CFAP299: variants seen among roughly 807,000 people sequenced by gnomAD.
CFAP299 encodes cilia- and flagella-associated protein 299.
CFAP299 carries 21 observed loss-of-function variants against 27.0 expected under a neutral mutation model. The ratio of observed to expected loss-of-function variants is 0.78; its 90% CI spans 0.55 to 1.12. The LOEUF is 1.12. CFAP299 is among the 50% of genes most tolerant of loss of function. CFAP299 has a pLI of 0.00. For missense variants in CFAP299, 310 were observed against 276.6 expected, an observed-to-expected ratio of 1.12 and a Z score of -0.86; for synonymous variants, 104 against 98.1, an observed-to-expected ratio of 1.06 and a Z score of -0.36.
rs1020928661 is a variant in CFAP299, at chr4:80,928,663, GT to G, written c.477-16139del. Among the ~76,000 whole-genome samples, 10 of 151,724 alleles carry G rather than the reference GT, an allele frequency of 6.6e-5. No homozygotes were observed. In the East Asian group the frequency reaches 1.7e-3, roughly 26 times the overall value. ...GAATATATTAAGCCAAATAATGTTT[GT>G]TTTTTTTAAAGAACAGAATTTTAAT... is the stretch of plus-strand genomic sequence containing the variant. On this transcript the variant is annotated intron_variant, in intron 4 of 5. Transcript: ENST00000358105.
intron 2 of CFAP299, among the ~76,000 whole-genome samples, chr4:80,393,285 G>C (rs751014853): frequency 6.6e-6 from 1 of 152,096 alleles, no homozygotes; most frequent in East Asian, 1.9e-4. Flanking sequence ...GTAAAAAATT[G>C]TAAAAGTTTA....
At chr4:80,480,662 T>G (rs1271569927) in intron 2 of CFAP299, among the ~76,000 whole-genome samples, 1 of 152,014 alleles carries the variant, frequency 6.6e-6, no homozygotes, top group African/African-American at 2.4e-5. Flanking sequence ...AGTCTCCATT[T>G]TAATTTACTC....
At chr4:80,734,567 C>T (rs1292968101) in intron 3 of CFAP299, among the ~76,000 whole-genome samples, 1 of 152,018 alleles carries the variant, frequency 6.6e-6, no homozygotes, top group Non-Finnish European at 1.5e-5. Flanking sequence ...AGAGTTTCCC[C>T]AGTGTTTTAT....
At chr4:80,706,860 G>C (rs992759195) in intron 3 of CFAP299, among the ~76,000 whole-genome samples, 7 of 151,720 alleles carry the variant, frequency 4.6e-5, no homozygotes, top group Non-Finnish European at 1.0e-4. Flanking sequence ...GAATTAACTG[G>C]GTCATTTATT....
chr4:80,884,422 A>G (rs545124003), intron 4 of CFAP299, among the ~76,000 whole-genome samples: 1 of 152,308 alleles, frequency 6.6e-6, no homozygotes, highest in African/African-American at 2.4e-5. Context: ...AACAGGTAAA[A>G]GAATAAACCA....
At chr4:80,712,156 C>T (rs1722212947) in intron 3 of CFAP299, among the ~76,000 whole-genome samples, 1 of 152,126 alleles carries the variant, frequency 6.6e-6, no homozygotes, top group Non-Finnish European at 1.5e-5. Context: ...GCTAATGGTG[C>T]AAGTCACTAA....
intron 2 of CFAP299, among the ~76,000 whole-genome samples, chr4:80,366,756 T>C (rs1159837866): frequency 6.6e-6 from 1 of 152,220 alleles, no homozygotes; most frequent in African/African-American, 2.4e-5. Context: ...AAAACTCATA[T>C]ACAAATGTCA....
intron 2 of CFAP299, among the ~76,000 whole-genome samples, chr4:80,582,008 T>G (rs1424391002): frequency 6.6e-6 from 1 of 151,860 alleles, no homozygotes; most frequent in Admixed American, 6.6e-5. Flanking sequence ...TAACTTCTAT[T>G]AATATTACCT....
chr4:80,559,011 A>C (rs1423296646), intron 2 of CFAP299, among the ~76,000 whole-genome samples: 1 of 152,122 alleles, frequency 6.6e-6, no homozygotes, highest in Non-Finnish European at 1.5e-5. Context: ...GATTGATAAA[A>C]ATATTTATTT....
At chr4:80,936,754 T>C (rs954663252) in intron 4 of CFAP299, among the ~76,000 whole-genome samples, 1 of 151,872 alleles carries the variant, frequency 6.6e-6, no homozygotes. Flanking sequence ...TTTACTTATA[T>C]AACAAATCTG....
At chr4:80,386,219 C>G (rs1724973287) in intron 2 of CFAP299, 1 of 995,706 alleles carries the variant, frequency 1.0e-6, no homozygotes. Context: ...GCGAGCATGG[C>G]ACATGGGCCC....
chr4:80,872,916 T>C, intron 4 of CFAP299: 1 of 954,964 alleles, frequency 1.0e-6, no homozygotes, highest in Non-Finnish European at 1.2e-6. Flanking sequence ...TGTGTAGTTC[T>C]TCTTCTTTTT....
intron 2 of CFAP299, among the ~76,000 whole-genome samples, chr4:80,364,862 GT>G (rs1286881008): frequency 1.3e-5 from 2 of 152,170 alleles, no homozygotes; most frequent in Non-Finnish European, 2.9e-5. Context: ...GCAGTGTTTG[GT>G]TTTCTGCTCC....
At chr4:80,607,587 GA>G (rs997616016) in intron 3 of CFAP299, among the ~76,000 whole-genome samples, 2 of 151,568 alleles carry the variant, frequency 1.3e-5, no homozygotes, top group East Asian at 1.9e-4. Flanking sequence ...TTGTAAGACA[GA>G]AAAAAAAGAG....
chr4:80,831,019 C>T (rs534777454), intron 3 of CFAP299, among the ~76,000 whole-genome samples: 14 of 152,088 alleles, frequency 9.2e-5, no homozygotes, highest in Middle Eastern at 6.8e-3. Flanking sequence ...GTTGCACAAA[C>T]GGAAAATGGC....
chr4:80,751,922 C>T (rs1429120993), intron 3 of CFAP299, among the ~76,000 whole-genome samples: 5 of 152,128 alleles, frequency 3.3e-5, no homozygotes, highest in Non-Finnish European at 1.5e-5. Context: ...GGATGTATTT[C>T]CTGCCTTGCC....
intron 2 of CFAP299, chr4:80,420,305 C>G: frequency 2.3e-6 from 1 of 437,280 alleles, no homozygotes; most frequent in Non-Finnish European, 4.6e-6. Context: ...TCTACAGATG[C>G]AAATCTCTCC....
intron 3 of CFAP299, among the ~76,000 whole-genome samples, chr4:80,816,710 A>C (rs1729437374): frequency 6.6e-6 from 1 of 152,146 alleles, no homozygotes; most frequent in Admixed American, 6.6e-5. Context: ...CACATAAAGC[A>C]TGTAGTTCTC....
intron 2 of CFAP299, among the ~76,000 whole-genome samples, chr4:80,480,579 T>C (rs1730514244): frequency 1.3e-5 from 2 of 152,154 alleles, no homozygotes; most frequent in South Asian, 4.1e-4. Context: ...CCACTTAGGT[T>C]TGCAATTTAA....
Sources: allele counts gnomAD v4.1 joint callset (sites outside exome capture counted in the v4.1 genomes callset), GRCh38; gene constraint gnomAD v4.1.1; transcripts MANE v1.5; gene names NCBI Gene and HGNC (gene_info 2026-07-23, HGNC 2026-07-21).